GNAO1: variants seen among roughly 807,000 people sequenced by gnomAD.
GNAO1 encodes the protein G protein subunit alpha o1, also known as guanine nucleotide-binding protein G(o) subunit alpha.
For missense variants in GNAO1, 166 were observed against 478.7 expected (o/e 0.35, Z 6.10); for synonymous variants, 164 against 180.7 (o/e 0.91, Z 0.74).
At chr16:56,260,631 C>T (rs542164101) in intron 2 of GNAO1, among the ~76,000 whole-genome samples, 2 of 152,278 alleles carry the variant, frequency 1.3e-5, no homozygotes, top group East Asian at 3.9e-4. Flanking sequence ...GCATCCAGAA[C>T]ACACTGCCCC....
intron 3 of GNAO1, among the ~76,000 whole-genome samples, chr16:56,309,962 A>T (rs545817552): frequency 3.3e-5 from 5 of 152,246 alleles, no homozygotes; most frequent in Admixed American, 2.0e-4. Flanking sequence ...TTTCCCAGAC[A>T]TTGTTGGTAC....
intron 3 of GNAO1, among the ~76,000 whole-genome samples, chr16:56,278,467 G>A (rs1362600662): frequency 1.3e-5 from 2 of 152,186 alleles, no homozygotes; most frequent in Non-Finnish European, 2.9e-5. Context: ...GTGGGCTGGT[G>A]TGGATTCGCA....
At chr16:56,347,090 A>G in intron 6 of GNAO1, 2 of 985,350 alleles carry the variant, frequency 2.0e-6, no homozygotes, top group Non-Finnish European at 2.4e-6. Context: ...AAGTGAGTCC[A>G]TTGCAGTCCC....
At chr16:56,232,608 A>G (rs1012905736) in intron 2 of GNAO1, among the ~76,000 whole-genome samples, 2 of 152,186 alleles carry the variant, frequency 1.3e-5, no homozygotes, top group African/African-American at 2.4e-5. Context: ...TTTTTGCATG[A>G]AAAACTATTG....
chr16:56,352,747 C>G (rs1310270928), intron 7 of GNAO1: 1 of 152,284 alleles, frequency 6.6e-6, no homozygotes, highest in Non-Finnish European at 1.5e-5. Flanking sequence ...ACTGATGGTC[C>G]GTGCTAATGT....
chr16:56,329,705 G>A (rs1392000470), intron 4 of GNAO1, among the ~76,000 whole-genome samples: 1 of 152,230 alleles, frequency 6.6e-6, no homozygotes, highest in African/African-American at 2.4e-5. Context: ...CTTTCTGCAA[G>A]GAGCCCTTGA....
At chr16:56,289,584 C>T (rs1249248506) in intron 3 of GNAO1, among the ~76,000 whole-genome samples, 1 of 152,186 alleles carries the variant, frequency 6.6e-6, no homozygotes, top group Admixed American at 6.5e-5. Context: ...CAGTTTTAGT[C>T]TGATCAGTCC....
chr16:56,226,716 G>T (rs541943383), intron 2 of GNAO1: 1 of 152,224 alleles, frequency 6.6e-6, no homozygotes, highest in African/African-American at 2.4e-5. Flanking sequence ...TCATTTAAGT[G>T]TCAGTCCTTT....
At chr16:56,197,151 A>G (rs1463895778) in intron 2 of GNAO1, among the ~76,000 whole-genome samples, 9 of 152,216 alleles carry the variant, frequency 5.9e-5, no homozygotes, top group African/African-American at 9.6e-5. Context: ...GTGAATAGCA[A>G]CCTACAGCCA....
rs892143819 is a variant in GNAO1 at position 56,354,536 on chromosome 16, C to T, written c.878-330C>T. Among the ~76,000 whole-genome samples, 6 of 152,220 alleles carry T rather than the reference C, an allele frequency of 3.9e-5. No homozygotes were observed. Among genetic ancestry groups the T allele is most frequent in the Non-Finnish European group, 7.4e-5 (5 of 68,010 alleles). On this transcript the variant is annotated intron_variant, in intron 7 of 8. Coordinates refer to ENST00000262493, the MANE Select transcript of GNAO1 (RefSeq NM_020988.3). This position sits in a 1 kb window ranked among gnomAD's most constrained non-coding sequence, Gnocchi z 4.3. ...ACTAAAAATACAAAAATTAGCTGGG[C>T]GTGGTGGCACGCGCCTGTATTACCA...
intron 6 of GNAO1, 70 bp downstream of exon 6, chr16:56,336,930 G>C: frequency 2.0e-6 from 3 of 1,473,308 alleles, no homozygotes; most frequent in Non-Finnish European, 2.8e-6. Context: ...CCAGCCCTCT[G>C]AGCACTGGGC....
intron 5 of GNAO1, among the ~76,000 whole-genome samples, chr16:56,335,870 C>T (rs1407647374): frequency 6.6e-6 from 1 of 152,156 alleles, no homozygotes; most frequent in African/African-American, 2.4e-5. Flanking sequence ...GGGAGGATCC[C>T]CTGATTGATG....
Position 56,351,512 on chromosome 16 carries a change from G to A in GNAO1, c.852G>A (p.Leu284=). 6.2e-7 allele frequency: 1 copy of A among 1,613,354 alleles called. No individual in the cohort carries two copies. The highest frequency in any genetic ancestry group is 8.5e-7 in the Non-Finnish European group (1 of 1,179,754). Reference sequence around the variant, plus strand: ...GCGAGAAGATCAAGAAGTCACCTTTGACCATCTGCTTTCCTGAATACACAG... The same window carrying A: ...GCGAGAAGATCAAGAAGTCACCTTTAACCATCTGCTTTCCTGAATACACAG... ...LFGEKIKKSP[L]TICFPEYTGP... The change falls in exon 7 of 9, where the codon TTG becomes TTA. Residue 284 remains leucine (L), a synonymous_variant. Transcript: ENST00000262493. The surrounding 1 kb of genome is among the most constrained non-coding windows in gnomAD (Gnocchi z 6.1).
At chr16:56,281,513 C>T (rs2037114242) in intron 3 of GNAO1, among the ~76,000 whole-genome samples, 1 of 151,718 alleles carries the variant, frequency 6.6e-6, no homozygotes, top group South Asian at 2.1e-4. Flanking sequence ...CTCCCTTTCC[C>T]CTCCCCTTCT....
At chr16:56,207,416 T>G (rs1334669745) in intron 2 of GNAO1, among the ~76,000 whole-genome samples, 1 of 152,230 alleles carries the variant, frequency 6.6e-6, no homozygotes, top group African/African-American at 2.4e-5. Context: ...TTTGTATCAT[T>G]TTTGCTATCA....
chr16:56,311,189 G>A lies in GNAO1; in HGVS notation c.304-17442G>A, dbSNP rs2037454906. On this transcript the variant is annotated intron_variant, in intron 3 of 8. Transcript: ENST00000262493. The surrounding 1 kb of genome is among the most constrained non-coding windows in gnomAD (Gnocchi z 5.2). ...GTGGGGCTTGGGGGTGGAGATGGGG[G>A]AGAGAGGCATGGAAGGGGGTAAGAG... 6.8e-6 allele frequency among the ~76,000 whole-genome samples: 1 copy of A among 146,154 alleles called. No homozygotes were observed. The highest frequency in any genetic ancestry group is 2.5e-5 in the African/African-American group (1 of 40,032).
chr16:56,234,633 G>A (rs2036620249), intron 2 of GNAO1, among the ~76,000 whole-genome samples: 2 of 152,180 alleles, frequency 1.3e-5, no homozygotes, highest in Admixed American at 1.3e-4. Flanking sequence ...CCTGTCCCTG[G>A]GTGGTTTGCT....
rs1383780047 is a variant in GNAO1 at position 56,351,132 on chromosome 16, G to C, written c.724-252G>C. On this transcript the variant is annotated intron_variant, in intron 6 of 8. Coordinates refer to ENST00000262493, the MANE Select transcript of GNAO1 (RefSeq NM_020988.3). This position sits in a 1 kb window ranked among gnomAD's most constrained non-coding sequence, Gnocchi z 6.1. ...GAGAGCCCGGGTCACCCTGTCCTCA[G>C]CCTCCCCAGAGAGCCATGGCTGGTG... Among the ~76,000 whole-genome samples, 1 of 152,208 alleles carries C rather than the reference G, an allele frequency of 6.6e-6. No homozygotes were observed. The highest frequency in any genetic ancestry group is 1.9e-4 in the East Asian group (1 of 5,192).
chr16:56,310,204 C>T (rs965127990), intron 3 of GNAO1, among the ~76,000 whole-genome samples: 6 of 152,038 alleles, frequency 3.9e-5, no homozygotes, highest in South Asian at 2.1e-4. Context: ...GGTGTGCTCC[C>T]GTAGTCCTAG....
Sources: allele counts gnomAD v4.1 joint callset (sites outside exome capture counted in the v4.1 genomes callset), GRCh38; gene constraint gnomAD v4.1.1; non-coding constraint Gnocchi (gnomAD v3.1); transcripts MANE v1.5; gene names NCBI Gene and HGNC (gene_info 2026-07-23, HGNC 2026-07-21).